Variants in TNRC18 observed in about 807,000 individuals in gnomAD.
The protein encoded by TNRC18 is trinucleotide repeat containing 18.
TNRC18 carries 69 observed loss-of-function variants against 226.7 expected under a neutral mutation model. The observed-to-expected ratio is 0.30, with a 90% CI of 0.25 to 0.37. The LOEUF (loss-of-function observed/expected upper bound fraction) is 0.37, where lower values mean the gene tolerates loss of function less well. Ranked by LOEUF, TNRC18 falls within the 10% of genes least tolerant of loss-of-function variation. TNRC18 has a pLI of 1.00. For synonymous variants in TNRC18, 2,449 were observed against 1,927.6 expected (o/e 1.27, Z -7.09); for missense variants, 4,754 against 4,256.6 (o/e 1.12, Z -3.25).
In TNRC18 at chr7:5,312,010, C is replaced by G. The variant is rs746487943; in HGVS notation, c.8388+493G>C. ...AATTAGCCAGGCGTGGTGGCGTGCG[C>G]CTGTAATCCCAGCTACTTGGGAGGC... On this transcript the variant is annotated intron_variant, in intron 27 of 29. Coordinates refer to ENST00000430969, the MANE Select transcript of TNRC18 (RefSeq NM_001080495.3). The surrounding 1 kb of genome is among the most constrained non-coding windows in gnomAD (Gnocchi z 6.3). 6.6e-6 allele frequency among the ~76,000 whole-genome samples: 1 copy of G among 151,930 alleles called. No homozygotes were observed. Among genetic ancestry groups the G allele is most frequent in the African/African-American group, 2.4e-5 (1 of 41,318 alleles).
chr7:5,390,416 G>T, intron 4 of TNRC18, 69 bp downstream of exon 4: 1 of 1,521,772 alleles, frequency 6.6e-7, no homozygotes, highest in Non-Finnish European at 9.1e-7. Context: ...CTACCTGGAT[G>T]CTGCCAAAGG....
At chr7:5,321,218 C>G in intron 21 of TNRC18, 28 bp from the exon 22 acceptor site, 3 of 1,502,764 alleles carry the variant, frequency 2.0e-6, no homozygotes, top group Non-Finnish European at 2.7e-6. Context: ...TGAGGCGAGG[C>G]TGGAGCCGGG....
chr7:5,378,110 G>T lies in TNRC18; in HGVS notation c.2153-86C>A, dbSNP rs941867448. The T allele has an allele frequency of 2.3e-5, 26 of 1,122,930 alleles. No homozygotes were observed. In the African/African-American group the frequency reaches 3.2e-4, roughly 14 times the overall value. The allele number at this position is 1,122,930 out of a possible 1,614,324, so 69.6% of individuals were successfully genotyped here. On this transcript the variant is annotated intron_variant, in intron 5 of 29. Coordinates refer to ENST00000430969, the MANE Select transcript of TNRC18 (RefSeq NM_001080495.3). ...GGCCCCACTGCCCTCACCCCTCCCTGGGCCCCCCAGAGCCCCGACGGTCCT... is the reference window on the plus strand; with the variant it reads ...GGCCCCACTGCCCTCACCCCTCCCTTGGCCCCCCAGAGCCCCGACGGTCCT...
Position 5,332,947 on chromosome 7 carries a change from G to T in TNRC18, c.5822C>A (p.Pro1941His). Residue 1941 changes from proline to histidine, a missense_variant, in exon 19 of 30, where the codon CCC becomes CAC. Coordinates refer to ENST00000430969, the MANE Select transcript of TNRC18 (RefSeq NM_001080495.3). ...GCCAGGCGTGGGTGCGGCCAGGGAG[G>T]GTCCCGGCTCCCCCAGCCCCTTCTT... ...RPKKGLGEPG[P>H]SLAAPTPGAR... 1 of 1,552,002 alleles carries T rather than the reference G, an allele frequency of 6.4e-7. No individual in the cohort carries two copies. The highest frequency in any genetic ancestry group is 8.6e-7 in the Non-Finnish European group (1 of 1,156,238).
intron 17 of TNRC18, among the ~76,000 whole-genome samples, chr7:5,349,163 A>T (rs1791521086): frequency 6.6e-6 from 1 of 152,282 alleles, no homozygotes; most frequent in Admixed American, 6.5e-5. Context: ...GAGCAGCCCA[A>T]TGCCCGCACC....
chr7:5,345,517 G>GGGGGCCCGGGCCCCCCACCC, intron 18 of TNRC18, 45 bp downstream of exon 18: 1 of 377,744 alleles, frequency 2.6e-6, no homozygotes, highest in Non-Finnish European at 4.8e-6. Flanking sequence ...AATGGCGTCC[G>GGGGGCCCGGGCCCCCCACCC]CCCCTCCCAC....
At chr7:5,392,259 C>T (rs528263204) in intron 3 of TNRC18, among the ~76,000 whole-genome samples, 115 of 151,786 alleles carry the variant, frequency 7.6e-4, no homozygotes, top group Admixed American at 1.2e-3. Flanking sequence ...GTCAGGAGTT[C>T]GAGACCAGCC....
chr7:5,362,666 C>A lies in TNRC18; in HGVS notation c.4379G>T (p.Arg1460Leu), dbSNP rs756348205. 4 of 1,578,306 alleles carry A rather than the reference C, an allele frequency of 2.5e-6. No individual in the cohort carries two copies. The highest frequency in any genetic ancestry group is 2.2e-4 in the Middle Eastern group (1 of 4,494). ...LKPNKKYSWM[R>L]KKEERMYAMK... ...GCCGCTCACCCGCTCCTCCTTCTTG[C>A]GCATCCAGCTGTACTTCTTGTTGGG... The change falls in exon 12 of 30, where the codon CGC (arginine) becomes CTC (leucine). Residue 1460 changes from arginine (R) to leucine (L), a missense_variant. Arg to Leu is a moderately radical substitution (Grantham distance 102). Transcript: ENST00000430969.
intron 5 of TNRC18, among the ~76,000 whole-genome samples, chr7:5,379,816 C>T (rs768809752): frequency 6.6e-6 from 1 of 152,218 alleles, no homozygotes; most frequent in Non-Finnish European, 1.5e-5. Context: ...GGCGGAGGCA[C>T]GGCTGATACT....
intron 15 of TNRC18, among the ~76,000 whole-genome samples, chr7:5,359,112 CCTT>C (rs1302498516): frequency 6.6e-6 from 1 of 152,204 alleles, no homozygotes; most frequent in Non-Finnish European, 1.5e-5. Context: ...TTGTGTCTCT[CCTT>C]GGCTTTAGCA....
In TNRC18 at chr7:5,374,290, T is replaced by A; in HGVS notation, c.2994A>T (p.Ala998=). 1 of 1,465,934 alleles carries A rather than the reference T, an allele frequency of 6.8e-7. No individual in the cohort carries two copies. The highest frequency in any genetic ancestry group is 9.0e-7 in the Non-Finnish European group (1 of 1,111,630). 90.8% of individuals were successfully genotyped at this position (1,465,934 alleles called of 1,614,324 possible). A position where few individuals can be genotyped will look rare whatever the true frequency, so the allele number is the denominator to read the frequency against. The change falls in exon 10 of 30, where the codon GCA becomes GCT. Residue 998 remains alanine (A), a synonymous_variant. Coordinates refer to ENST00000430969, the MANE Select transcript of TNRC18 (RefSeq NM_001080495.3). ...TGGCCTTCAGGGCAGCCACAGGGGA[T>A]GCGCGGGGTGATGGTGGCGGGCTCA... ...KAVSPPPSPR[A]SPVAALKAKV...
At position 5,377,140 on chromosome 7, in the gene TNRC18, T is replaced by G; in HGVS notation, c.2462-147A>C. On this transcript the variant is annotated intron_variant, in intron 7 of 29. Transcript: ENST00000430969. The surrounding 1 kb of genome is among the most constrained non-coding windows in gnomAD (Gnocchi z 5.8). ...CCAAGGGACAGGGGTGCTGGCTGGC[T>G]GCAAAGAGCACCCCAGAGCCACCCG... The G allele has an allele frequency of 2.3e-6, 3 of 1,286,288 alleles. No homozygotes were observed. Among genetic ancestry groups the G allele is most frequent in the Non-Finnish European group, 3.2e-6 (3 of 946,096 alleles). The allele number at this position is 1,286,288 out of a possible 1,614,324, so 79.7% of individuals were successfully genotyped here. A position where few individuals can be genotyped will look rare whatever the true frequency, so the allele number is the denominator to read the frequency against.
At chr7:5,420,723 G>A (rs549657899) in intron 2 of TNRC18, 10 of 563,774 alleles carry the variant, frequency 1.8e-5, no homozygotes, top group South Asian at 1.5e-4. Context: ...GGGCCGGTTT[G>A]TTCTTTTCTC....
At chr7:5,320,185 G>A (rs1011788510) in intron 24 of TNRC18, 133 bp downstream of exon 24, 25 of 687,818 alleles carry the variant, frequency 3.6e-5, no homozygotes, top group Non-Finnish European at 5.1e-6. Context: ...CATGCCTGAA[G>A]GCCATACAGT....
intron 18 of TNRC18, 45 bp downstream of exon 18, chr7:5,345,517 G>GGGGGGGGGGGCCCCCCCCCCCCCC: frequency 6.4e-5 from 24 of 377,716 alleles, no homozygotes; most frequent in East Asian, 1.4e-4. Context: ...AATGGCGTCC[G>GGGGGGGGGGGCCCCCCCCCCCCCC]CCCCTCCCAC....
At chr7:5,416,159 A>T (rs538807400) in intron 2 of TNRC18, among the ~76,000 whole-genome samples, 1 of 149,740 alleles carries the variant, frequency 6.7e-6, no homozygotes, top group Non-Finnish European at 1.5e-5. Flanking sequence ...TCAAGCCTGT[A>T]ATCTCAGCAC....
Position 5,313,761 on chromosome 7 carries a change from G to A in TNRC18, c.7130C>T (p.Pro2377Leu), listed in dbSNP as rs1201805420. The change falls in exon 27 of 30, where the codon CCA (proline) becomes CTA (leucine). Residue 2377 changes from proline (P) to leucine (L), a missense_variant. Transcript: ENST00000430969. ...SSTPGSKKSP[P>L]EPVDKRAKAP... ...CTTGGCTCGCTTGTCCACAGGCTCTGGGGGGCTCTTCTTGGAACCTGGGGT... is the reference window on the plus strand; with the variant it reads ...CTTGGCTCGCTTGTCCACAGGCTCTAGGGGGCTCTTCTTGGAACCTGGGGT... 3.2e-6 allele frequency: 5 copies of A among 1,553,558 alleles called. No individual in the cohort carries two copies. The highest frequency in any genetic ancestry group is 1.4e-5 in the African/African-American group (1 of 73,010).
intron 21 of TNRC18, among the ~76,000 whole-genome samples, chr7:5,322,132 C>T (rs1425418128): frequency 6.6e-6 from 1 of 151,906 alleles, no homozygotes; most frequent in Non-Finnish European, 1.5e-5. Context: ...ACAAATATTA[C>T]CCAGGTGTGG....
At chr7:5,321,230 G>T in intron 21 of TNRC18, 40 bp from the exon 22 acceptor site, 1 of 1,439,990 alleles carries the variant, frequency 6.9e-7, no homozygotes. Flanking sequence ...GGAGCCGGGG[G>T]CGTCTGCGAC....
Sources: allele counts gnomAD v4.1 joint callset (sites outside exome capture counted in the v4.1 genomes callset), GRCh38; gene constraint gnomAD v4.1.1; non-coding constraint Gnocchi (gnomAD v3.1); transcripts MANE v1.5; gene names NCBI Gene and HGNC (gene_info 2026-07-23, HGNC 2026-07-21).